Variants in IMMP2L observed in about 807,000 individuals in gnomAD.
The protein encoded by IMMP2L is mitochondrial inner membrane protease subunit 2.
Under a neutral mutation model 19.3 loss-of-function variants are expected in IMMP2L, and 18 were observed. The ratio of observed to expected loss-of-function variants is 0.93; its 90% CI spans 0.64 to 1.38. The LOEUF (loss-of-function observed/expected upper bound fraction) is 1.38, where lower values mean the gene tolerates loss of function less well. Among genes scored for constraint, IMMP2L ranks in the 40% most tolerant of loss-of-function variants. The pLI is 0.00. For missense variants in IMMP2L, 233 were observed against 218.2 expected (o/e 1.07, Z -0.43); for synonymous variants, 76 against 73.0 (o/e 1.04, Z -0.21).
chr7:110,967,437 C>A (rs898292201), intron 3 of IMMP2L, among the ~76,000 whole-genome samples: 4 of 151,936 alleles, frequency 2.6e-5, no homozygotes, highest in Non-Finnish European at 5.9e-5. Flanking sequence ...ATAACTTAAC[C>A]CTAGGTCTAA....
chr7:110,695,879 T>C (rs1298058333), intron 5 of IMMP2L, among the ~76,000 whole-genome samples: 3 of 152,154 alleles, frequency 2.0e-5, no homozygotes, highest in Non-Finnish European at 4.4e-5. Flanking sequence ...AGAGGACATA[T>C]GCTGTGGGAA....
At chr7:110,997,077 C>T (rs1168760901) in intron 3 of IMMP2L, among the ~76,000 whole-genome samples, 4 of 152,026 alleles carry the variant, frequency 2.6e-5, no homozygotes, top group Admixed American at 1.3e-4. Context: ...CTCTCCCCCA[C>T]CTCTATTAAC....
intron 3 of IMMP2L, among the ~76,000 whole-genome samples, chr7:111,380,586 T>C (rs1255530939): frequency 1.3e-5 from 2 of 152,070 alleles, no homozygotes; most frequent in African/African-American, 4.8e-5. Context: ...AGCTATTCCC[T>C]AGGGTTCCTT....
chr7:111,357,522 A>G (rs1347607291), intron 3 of IMMP2L, among the ~76,000 whole-genome samples: 1 of 152,160 alleles, frequency 6.6e-6, no homozygotes, highest in Non-Finnish European at 1.5e-5. Flanking sequence ...TAATTGCCAC[A>G]TTAAAAACCC....
intron 5 of IMMP2L, among the ~76,000 whole-genome samples, chr7:110,787,150 T>A (rs1800136253): frequency 6.6e-6 from 1 of 152,024 alleles, no homozygotes; most frequent in Non-Finnish European, 1.5e-5. Context: ...ATAATGACAC[T>A]GTGAACTTAA....
At chr7:111,431,954 A>C (rs1021734009) in intron 3 of IMMP2L, among the ~76,000 whole-genome samples, 3 of 151,856 alleles carry the variant, frequency 2.0e-5, no homozygotes, top group African/African-American at 7.3e-5. Context: ...TATTCTTTGG[A>C]AAACAAAAAG....
At chr7:111,046,411 G>A (rs1030144927) in intron 3 of IMMP2L, among the ~76,000 whole-genome samples, 1 of 151,818 alleles carries the variant, frequency 6.6e-6, no homozygotes, top group Non-Finnish European at 1.5e-5. Flanking sequence ...GAGAGAAAGG[G>A]AAACAAAATT....
At chr7:111,522,243 T>C (rs780405888) in intron 1 of IMMP2L, among the ~76,000 whole-genome samples, 1 of 152,032 alleles carries the variant, frequency 6.6e-6, no homozygotes, top group Non-Finnish European at 1.5e-5. Flanking sequence ...TCACCCAAGC[T>C]GGAGTCTTGG....
rs532533778 is a variant in IMMP2L, at chr7:111,124,619, C to T, written c.240-161054G>A. On this transcript the variant is annotated intron_variant, in intron 3 of 5. Transcript: ENST00000405709. ...AATGTCACCACCAAAGGTTTGCACC[C>T]TGATCAAAAAGAGTATGAAAAGAAT... 3.1e-6 allele frequency: 5 copies of T among 1,613,900 alleles called. No individual in the cohort carries two copies. The African/African-American group carries it at 6.7e-5, about 22-fold the overall frequency.
At chr7:111,320,910 T>C (rs558722236) in intron 3 of IMMP2L, among the ~76,000 whole-genome samples, 1 of 152,136 alleles carries the variant, frequency 6.6e-6, no homozygotes, top group Non-Finnish European at 1.5e-5. Context: ...AACTTATTCA[T>C]ATTTGTATCA....
At chr7:110,695,438 C>T (rs12539743) in intron 5 of IMMP2L, among the ~76,000 whole-genome samples, 14,503 of 152,042 alleles carry the variant, frequency 0.095, 1,063 homozygotes, top group African/African-American at 0.22. Context: ...GCAATCCTCC[C>T]ACCTCAGCCT....
intron 5 of IMMP2L, among the ~76,000 whole-genome samples, chr7:110,691,072 A>C (rs1265900206): frequency 6.6e-6 from 1 of 152,192 alleles, no homozygotes; most frequent in African/African-American, 2.4e-5. Context: ...TTCAAATTAT[A>C]CTACAAGGCT....
intron 4 of IMMP2L, among the ~76,000 whole-genome samples, chr7:110,913,908 T>C (rs1293756286): frequency 6.6e-6 from 1 of 152,166 alleles, no homozygotes; most frequent in African/African-American, 2.4e-5. Flanking sequence ...AGAAGCACTG[T>C]TGGGTTGGAG....
chr7:111,501,473 C>T (rs1437015160), intron 2 of IMMP2L, among the ~76,000 whole-genome samples: 11 of 152,038 alleles, frequency 7.2e-5, no homozygotes, highest in East Asian at 5.8e-4. Flanking sequence ...ATACAGAGAA[C>T]GCCACAAAGA....
intron 3 of IMMP2L, among the ~76,000 whole-genome samples, chr7:111,049,342 A>T (rs1267247812): frequency 6.6e-6 from 1 of 151,760 alleles, no homozygotes; most frequent in Non-Finnish European, 1.5e-5. Flanking sequence ...TGTGTTATCC[A>T]GGATGGTCTC....
At position 110,802,734 on chromosome 7, in the gene IMMP2L, A is replaced by G. The variant is rs150243772; in HGVS notation, c.408+83859T>C. On this transcript the variant is annotated intron_variant, in intron 5 of 5. Coordinates refer to ENST00000405709, the MANE Select transcript of IMMP2L (RefSeq NM_032549.4). ...TCTTTAAAGCACAACTATAAGAACC[A>G]CGAGAATATAACAGAGTCAAAAAAC... is the stretch of plus-strand genomic sequence containing the variant. Among the ~76,000 whole-genome samples, 736 of 152,208 alleles carry G rather than the reference A, an allele frequency of 4.8e-3. 4 individuals carry two copies. The highest frequency in any genetic ancestry group is 8.8e-3 in the Non-Finnish European group (599 of 67,992).
At chr7:110,913,606 A>C (rs1813283559) in intron 4 of IMMP2L, among the ~76,000 whole-genome samples, 1 of 152,178 alleles carries the variant, frequency 6.6e-6, no homozygotes, top group Non-Finnish European at 1.5e-5. Context: ...AAAGATAAAA[A>C]TTTAAAAATG....
intron 5 of IMMP2L, among the ~76,000 whole-genome samples, chr7:110,712,163 G>T (rs991451942): frequency 7.4e-6 from 1 of 134,442 alleles, no homozygotes; most frequent in South Asian, 2.9e-4. Context: ...GGTCTTTGAT[G>T]ATGGTGATGA....
intron 3 of IMMP2L, among the ~76,000 whole-genome samples, chr7:111,082,415 T>C: frequency 6.6e-6 from 1 of 152,344 alleles, no homozygotes; most frequent in East Asian, 1.9e-4. Flanking sequence ...GGAATGTTAT[T>C]ACAGTACAAC....
Sources: gnomAD v4.1 joint callset for allele counts (sites outside exome capture counted in the v4.1 genomes callset) on GRCh38, gnomAD v4.1.1 for gene constraint, MANE v1.5 for transcripts, NCBI Gene and HGNC (gene_info 2026-07-23, HGNC 2026-07-21) for gene names.